DOP1A: variants seen among roughly 807,000 people sequenced by gnomAD.
DOP1A encodes protein DOP1A.
A neutral mutation model predicts 267.6 loss-of-function variants in DOP1A; 90 were observed. The observed-to-expected ratio is 0.34, with a 90% CI of 0.28 to 0.40. The LOEUF (loss-of-function observed/expected upper bound fraction) is 0.40. Among genes scored for constraint, DOP1A ranks in the 10% least tolerant of loss-of-function variants. The pLI is 1.00. For missense variants in DOP1A, 2,437 were observed against 2,900.4 expected (o/e 0.84, Z 3.67); for synonymous variants, 932 against 999.1 (o/e 0.93, Z 1.27).
intron 17 of DOP1A, among the ~76,000 whole-genome samples, chr6:83,131,792 T>G (rs1778083262): frequency 6.6e-6 from 1 of 152,086 alleles, no homozygotes; most frequent in African/African-American, 2.4e-5. Context: ...CATGCCACCA[T>G]GCCTGGCTAA....
chr6:83,087,788 C>G (rs1352649284), intron 1 of DOP1A, among the ~76,000 whole-genome samples: 1 of 152,192 alleles, frequency 6.6e-6, no homozygotes, highest in Admixed American at 6.5e-5. Flanking sequence ...GAGGTCTTGT[C>G]CTCAGAGAAT....
chr6:83,075,601 C>A (rs1055455352), intron 1 of DOP1A, among the ~76,000 whole-genome samples: 1 of 152,112 alleles, frequency 6.6e-6, no homozygotes, highest in Non-Finnish European at 1.5e-5. Context: ...AAAATTATTG[C>A]AAAGCTATAG....
intron 4 of DOP1A, among the ~76,000 whole-genome samples, chr6:83,101,625 C>T (rs1772603676): frequency 6.6e-6 from 1 of 152,156 alleles, no homozygotes; most frequent in East Asian, 1.9e-4. Flanking sequence ...CAAGTCTTTC[C>T]TCCTCTACCC....
intron 33 of DOP1A, among the ~76,000 whole-genome samples, chr6:83,154,806 GTT>G (rs974985390): frequency 2.6e-5 from 4 of 151,864 alleles, no homozygotes; most frequent in African/African-American, 7.3e-5. Flanking sequence ...AAAAAAAAGA[GTT>G]TTAAAAAACG....
At chr6:83,093,627 G>T (rs1404274596) in intron 1 of DOP1A, among the ~76,000 whole-genome samples, 2 of 152,210 alleles carry the variant, frequency 1.3e-5, no homozygotes, top group Non-Finnish European at 2.9e-5. Flanking sequence ...TGTAATATGG[G>T]CTGGGCACAG....
At chr6:83,155,342 C>G (rs1015188595) in intron 33 of DOP1A, among the ~76,000 whole-genome samples, 2 of 151,962 alleles carry the variant, frequency 1.3e-5, no homozygotes, top group Non-Finnish European at 2.9e-5. Flanking sequence ...TGGTATGTAC[C>G]TGTAGTCTCA....
chr6:83,151,918 A>T lies in DOP1A; in HGVS notation c.5940A>T (p.Ala1980=), dbSNP rs1781762147. The change falls in exon 29 of 39, where the codon GCA becomes GCT. Residue 1980 remains alanine, a synonymous_variant. Coordinates refer to ENST00000349129, the MANE Select transcript of DOP1A (RefSeq NM_015018.4). ...VTHKIVDAIG[A]IAGSSLEQTT... ...ACAAAATAGTGGATGCAATTGGTGC[A>T]ATTGCTGGTTCTTCTCTGGAACAGA... is the stretch of plus-strand genomic sequence containing the variant. 1 of 1,613,950 alleles carries T rather than the reference A, an allele frequency of 6.2e-7. No individual in the cohort carries two copies. The highest frequency in any genetic ancestry group is 2.2e-5 in the East Asian group (1 of 44,854).
intron 30 of DOP1A, 176 bp from the exon 31 acceptor site, chr6:83,153,335 G>A (rs1782104178): frequency 2.3e-6 from 1 of 443,662 alleles, no homozygotes; most frequent in African/African-American, 2.1e-5. Flanking sequence ...TAGTAACAAT[G>A]TACAAAAAAG....
In DOP1A at chr6:83,135,693, A is replaced by C. The variant is rs767669453; in HGVS notation, c.2945A>C (p.Asn982Thr). Reference sequence around the variant, plus strand: ...AGCTCTGTGGGACAAGCCTGGCTGAACCAAGTCCTACAAAGACATGATATT... The same window carrying C: ...AGCTCTGTGGGACAAGCCTGGCTGACCCAAGTCCTACAAAGACATGATATT... ...STSSVGQAWL[N>T]QVLQRHDIAR... The change falls in exon 20 of 39, where the codon AAC becomes ACC. Residue 982 changes from asparagine to threonine, a missense_variant. Asn to Thr is a moderately conservative substitution (Grantham distance 65). Around this residue, in one of 9 missense-constraint regions of DOP1A, gnomAD observed 878 missense variants for 992.9 expected, o/e 0.88. Transcript: ENST00000349129. The C allele has an allele frequency of 6.2e-7, 1 of 1,613,698 alleles. No homozygotes were observed. Among genetic ancestry groups the C allele is most frequent in the Admixed American group, 1.7e-5 (1 of 59,986 alleles).
intron 4 of DOP1A, among the ~76,000 whole-genome samples, chr6:83,107,708 G>A (rs964882221): frequency 6.6e-6 from 1 of 152,188 alleles, no homozygotes; most frequent in Non-Finnish European, 1.5e-5. Context: ...TAAGGAAATG[G>A]CTTCTTAGGC....
chr6:83,070,333 G>A (rs1785381063), intron 1 of DOP1A, among the ~76,000 whole-genome samples: 1 of 152,050 alleles, frequency 6.6e-6, no homozygotes, highest in African/African-American at 2.4e-5. Flanking sequence ...TCTTTAACTG[G>A]CGGTTTCCCT....
intron 26 of DOP1A, 79 bp from the exon 27 acceptor site, chr6:83,148,680 A>G: frequency 2.1e-6 from 2 of 971,482 alleles, no homozygotes; most frequent in Non-Finnish European, 3.0e-6. Flanking sequence ...ATTGTCTATA[A>G]AAATTTAGAG....
At position 83,152,282 on chromosome 6, in the gene DOP1A, T is replaced by C; in HGVS notation, c.6050-6T>C. On this transcript the variant is annotated splice_polypyrimidine_tract_variant and splice_region_variant and intron_variant, in intron 29 of 38. Coordinates refer to ENST00000349129, the MANE Select transcript of DOP1A (RefSeq NM_015018.4). ...AGCCATATCTTTAATTTTCTCTTAT[T>C]TATAGATATGTTATCACCTGCAATG... 6.5e-7 allele frequency: 1 copy of C among 1,534,908 alleles called. No individual in the cohort carries two copies. The highest frequency in any genetic ancestry group is 8.8e-7 in the Non-Finnish European group (1 of 1,131,548).
chr6:83,155,165 A>C (rs879599758), intron 33 of DOP1A, among the ~76,000 whole-genome samples: 3 of 152,128 alleles, frequency 2.0e-5, no homozygotes, highest in Non-Finnish European at 2.9e-5. Flanking sequence ...ATAGGGAACA[A>C]GAATTACAAA....
intron 1 of DOP1A, among the ~76,000 whole-genome samples, chr6:83,095,057 C>T (rs1408154523): frequency 6.6e-6 from 1 of 152,068 alleles, no homozygotes; most frequent in Non-Finnish European, 1.5e-5. Flanking sequence ...CTCAGCCTCC[C>T]GAGTAACTGA....
At chr6:83,160,033 A>G in intron 37 of DOP1A, 73 bp downstream of exon 37, 1 of 1,445,548 alleles carries the variant, frequency 6.9e-7, no homozygotes. Context: ...ATCTATGACT[A>G]ATTAAAAAGT....
chr6:83,115,445 G>A (rs1223937609), intron 7 of DOP1A, among the ~76,000 whole-genome samples: 5 of 152,094 alleles, frequency 3.3e-5, no homozygotes, highest in Non-Finnish European at 7.4e-5. Context: ...CATTGTGGCC[G>A]GGTGTGGTGG....
Position 83,125,647 on chromosome 6 carries a change from C to T in DOP1A, c.1633C>T (p.Pro545Ser). ...LCSKILSKVQ[P>S]PLLSASTGGV... ...CTCAAAGATCCTTAGCAAGGTTCAGCCTCCACTGTTATCTGCTAGCACTGG... is the reference window on the plus strand; with the variant it reads ...CTCAAAGATCCTTAGCAAGGTTCAGTCTCCACTGTTATCTGCTAGCACTGG... The change falls in exon 15 of 39, where the codon CCT (proline) becomes TCT (serine). Residue 545 changes from proline (P) to serine (S), a missense_variant. Around this residue, in one of 9 missense-constraint regions of DOP1A, gnomAD observed 498 missense variants for 513.5 expected, o/e 0.97. Coordinates refer to ENST00000349129, the MANE Select transcript of DOP1A (RefSeq NM_015018.4). The T allele has an allele frequency of 6.2e-7, 1 of 1,613,720 alleles. No individual in the cohort carries two copies. The highest frequency in any genetic ancestry group is 8.5e-7 in the Non-Finnish European group (1 of 1,179,822).
At chr6:83,118,099 C>G (rs1341514147) in intron 7 of DOP1A, among the ~76,000 whole-genome samples, 2 of 152,160 alleles carry the variant, frequency 1.3e-5, no homozygotes, top group Admixed American at 6.5e-5. Context: ...GGTTTAGATT[C>G]TTTACTTATA....
Sources: allele counts gnomAD v4.1 joint callset (sites outside exome capture counted in the v4.1 genomes callset), GRCh38; gene constraint gnomAD v4.1.1; regional missense constraint gnomAD v4.1.1; transcripts MANE v1.5; gene names NCBI Gene and HGNC (gene_info 2026-07-23, HGNC 2026-07-21).